CSPP1: variants seen among roughly 807,000 people sequenced by gnomAD.
CSPP1 encodes the protein centrosome and spindle pole associated protein 1, also known as centrosome and spindle pole-associated protein 1.
A neutral mutation model predicts 164.4 loss-of-function variants in CSPP1; 126 were observed. The ratio of observed to expected loss-of-function variants is 0.77; its 90% CI spans 0.66 to 0.89. The LOEUF (loss-of-function observed/expected upper bound fraction) is 0.89. Ranked by LOEUF, CSPP1 falls within the 40% of genes least tolerant of loss-of-function variation. The probability of loss-of-function intolerance (pLI) is 0.00; values close to 1 mark genes in which losing one functional copy is unlikely to be tolerated. For synonymous variants in CSPP1, 472 were observed against 476.7 expected, an observed-to-expected ratio of 0.99 and a Z score of 0.13; for missense variants, 1,395 against 1,449.8, an observed-to-expected ratio of 0.96 and a Z score of 0.61.
intron 15 of CSPP1, among the ~76,000 whole-genome samples, chr8:67,126,270 G>A (rs1820042734): frequency 6.6e-6 from 1 of 152,108 alleles, no homozygotes; most frequent in Non-Finnish European, 1.5e-5. Flanking sequence ...CGTATGTATG[G>A]CTTATAATTC....
At chr8:67,143,793 GT>G (rs1226853468) in intron 17 of CSPP1, among the ~76,000 whole-genome samples, 1 of 152,146 alleles carries the variant, frequency 6.6e-6, no homozygotes, top group African/African-American at 2.4e-5. Context: ...GCTTGCTACT[GT>G]CTGTAGTCTG....
intron 15 of CSPP1, among the ~76,000 whole-genome samples, chr8:67,120,905 G>A (rs1204050410): frequency 1.3e-5 from 2 of 151,242 alleles, no homozygotes; most frequent in Non-Finnish European, 2.9e-5. Flanking sequence ...CCAGGCTGGA[G>A]TACAATGTTG....
In CSPP1 at chr8:67,159,050, A is replaced by C. The variant is rs1827207182; in HGVS notation, c.2451A>C (p.Glu817Asp). Residue 817 changes from glutamate (E) to aspartate (D), a missense_variant, in exon 21 of 31, where the codon GAA becomes GAC. Glu to Asp is a conservative substitution (Grantham distance 45, BLOSUM62 2). Transcript: ENST00000678616. ...RLAEERQKEA[E>D]RKKKEEEEKY... The stretch of plus-strand genomic sequence containing the variant: ...CTGAAGAAAGACAAAAAGAAGCAGA[A>C]AGAAAGAAGAAAGAAGAAGAAGAAA... The C allele has an allele frequency of 1.9e-6, 3 of 1,612,340 alleles. No individual in the cohort carries two copies. Among genetic ancestry groups the C allele is most frequent in the Middle Eastern group, 1.7e-4 (1 of 6,054 alleles).
At position 67,195,466 on chromosome 8, in the gene CSPP1, G is replaced by A; in HGVS notation, c.3554G>A (p.Trp1185Ter). 1.2e-6 allele frequency: 2 copies of A among 1,614,146 alleles called. No homozygotes were observed. Among genetic ancestry groups the A allele is most frequent in the African/African-American group, 1.3e-5 (1 of 75,030 alleles). ...TCAAACTCTGTAGCAACTGAGCCCT[G>A]GCTCCGCCCTGGCACTTCAGAAACG... ...DGSNSVATEPWLRPGTSETLK... is the reference protein window; with the variant it reads ...DGSNSVATEP Residue 1185 changes from tryptophan to a stop codon, truncating the protein, a stop_gained, in exon 31 of 31, where the codon TGG (tryptophan) becomes TAG (stop). Transcript: ENST00000678616. LOFTEE classifies it high-confidence loss of function.
intron 20 of CSPP1, 91 bp downstream of exon 20, chr8:67,158,687 A>T: frequency 7.0e-7 from 1 of 1,420,430 alleles, no homozygotes. Flanking sequence ...AAAGGAGAAC[A>T]GTGTTGGAGT....
chr8:67,129,942 A>T (rs2129553733), intron 15 of CSPP1, among the ~76,000 whole-genome samples: 1 of 152,310 alleles, frequency 6.6e-6, no homozygotes, highest in East Asian at 1.9e-4. Flanking sequence ...CAACTCTATA[A>T]ATTTACTAAA....
intron 18 of CSPP1, among the ~76,000 whole-genome samples, chr8:67,152,086 CAAAAAAAA>C (rs1185447488): frequency 0.014 from 841 of 58,162 alleles, 9 homozygotes; most frequent in African/African-American, 0.036. Context: ...GACTCCATCT[CAAAAAAAA>C]AAAAAAAAAA....
At position 67,064,469 on chromosome 8, in the gene CSPP1, C is replaced by T. The variant is rs745897839; in HGVS notation, c.-80C>T. On this transcript the variant is annotated 5_prime_UTR_variant, in exon 1 of 31. Coordinates refer to ENST00000678616, the MANE Select transcript of CSPP1 (RefSeq NM_001382391.1). ...GACGATCCTCTAGAGCACTGTGTGT[C>T]TCCCCGGACGCGAGCCCGCTCCCCT... 6.2e-7 allele frequency: 1 copy of T among 1,613,976 alleles called. No homozygotes were observed. Among genetic ancestry groups the T allele is most frequent in the Non-Finnish European group, 8.5e-7 (1 of 1,179,924 alleles).
chr8:67,070,796 G>A (rs1426660966), intron 1 of CSPP1, among the ~76,000 whole-genome samples: 1 of 151,196 alleles, frequency 6.6e-6, no homozygotes, highest in Non-Finnish European at 1.5e-5. Flanking sequence ...TGCCCAGGCT[G>A]GAGTACAGTG....
At chr8:67,064,764 A>T in intron 1 of CSPP1, 1 of 322,848 alleles carries the variant, frequency 3.1e-6, no homozygotes, top group South Asian at 3.5e-5. Context: ...GCCCGAGTTA[A>T]GGGTGTGGAG....
At chr8:67,186,557 A>T (rs983096894) in intron 28 of CSPP1, among the ~76,000 whole-genome samples, 1 of 152,214 alleles carries the variant, frequency 6.6e-6, no homozygotes, top group African/African-American at 2.4e-5. Context: ...GATAAAGAAC[A>T]TCTACAAAAG....
In CSPP1 at chr8:67,190,705, A is replaced by G; in HGVS notation, c.3276A>G (p.Ser1092=). 6.2e-7 allele frequency: 1 copy of G among 1,614,096 alleles called. No individual in the cohort carries two copies. The highest frequency in any genetic ancestry group is 8.5e-7 in the Non-Finnish European group (1 of 1,180,008). Residue 1092 remains serine, a synonymous_variant, in exon 29 of 31, where the codon TCA becomes TCG. Coordinates refer to ENST00000678616, the MANE Select transcript of CSPP1 (RefSeq NM_001382391.1). ...AAGATGACGTCCTCCCTCCACCATC[A>G]CAGTTGCCCTCTGCACGGGAGCGCA... is the stretch of plus-strand genomic sequence containing the variant. ...AIEDDVLPPP[S]QLPSARERRR...
Position 67,159,908 on chromosome 8 carries a change from CTTTCTTTCTTT to C in CSPP1, c.2538+772_2538+782del, listed in dbSNP as rs1156738700. On this transcript the variant is annotated intron_variant, in intron 21 of 30. Coordinates refer to ENST00000678616, the MANE Select transcript of CSPP1 (RefSeq NM_001382391.1). ...TCTTTCTTTCTTTCTTTCTTTCTTT[CTTTCTTTCTTT>C]CTTTCCTTTCCTTCCTTCCTTCCTT... 8.0e-3 allele frequency among the ~76,000 whole-genome samples: 530 copies of C among 66,060 alleles called. 10 individuals carry two copies. The highest frequency in any genetic ancestry group is 0.013 in the East Asian group (33 of 2,524). 43.3% of individuals were successfully genotyped at this position (66,060 alleles called of 152,430 possible).
In CSPP1 at chr8:67,064,490, C is replaced by T. The variant is rs930875412; in HGVS notation, c.-59C>T. 1.9e-6 allele frequency: 3 copies of T among 1,613,638 alleles called. No individual in the cohort carries two copies. Among genetic ancestry groups the T allele is most frequent in the Non-Finnish European group, 2.5e-6 (3 of 1,179,876 alleles). ...GTGTCTCCCCGGACGCGAGCCCGCTCCCCTGAGTAAGAGTCAGCCAGCCGC... is the reference window on the plus strand; with the variant it reads ...GTGTCTCCCCGGACGCGAGCCCGCTTCCCTGAGTAAGAGTCAGCCAGCCGC... On this transcript the variant is annotated 5_prime_UTR_variant, in exon 1 of 31. Transcript: ENST00000678616.
intron 1 of CSPP1, among the ~76,000 whole-genome samples, chr8:67,065,908 C>T (rs987603364): frequency 1.3e-5 from 2 of 152,122 alleles, no homozygotes; most frequent in Non-Finnish European, 2.9e-5. Flanking sequence ...AGGCTACTTT[C>T]GGTACAGTTT....
At chr8:67,142,393 A>C (rs1259104799) in intron 17 of CSPP1, among the ~76,000 whole-genome samples, 2 of 152,212 alleles carry the variant, frequency 1.3e-5, no homozygotes, top group African/African-American at 2.4e-5. Flanking sequence ...CACCCATGCC[A>C]ATCTGTGATC....
chr8:67,104,783 G>A lies in CSPP1; in HGVS notation c.1023-1122G>A, dbSNP rs985503726. 6.6e-5 allele frequency among the ~76,000 whole-genome samples: 10 copies of A among 150,506 alleles called. No individual in the cohort carries two copies. The East Asian group carries it at 1.6e-3, about 24-fold the overall frequency. On this transcript the variant is annotated intron_variant, in intron 8 of 30. Transcript: ENST00000678616. The stretch of plus-strand genomic sequence containing the variant: ...CTCCCGAGTAGCTGGGATTAGAGGC[G>A]TGTGTCACCACGCCTGGCTAATTTT...
intron 4 of CSPP1, among the ~76,000 whole-genome samples, chr8:67,088,905 A>G (rs2129544137): frequency 6.6e-6 from 1 of 151,942 alleles, no homozygotes; most frequent in East Asian, 2.0e-4. Flanking sequence ...TCAAAAAAAA[A>G]AAAAAAGAAT....
intron 24 of CSPP1, among the ~76,000 whole-genome samples, chr8:67,171,037 C>T (rs1586704133): frequency 6.6e-6 from 1 of 150,788 alleles, no homozygotes; most frequent in South Asian, 2.1e-4. Context: ...CCGCCCGCCT[C>T]GGCCTCCCAA....
Sources: gnomAD v4.1 joint callset for allele counts (sites outside exome capture counted in the v4.1 genomes callset) on GRCh38, gnomAD v4.1.1 for gene constraint, MANE v1.5 for transcripts, NCBI Gene and HGNC (gene_info 2026-07-23, HGNC 2026-07-21) for gene names.